Variants in DDI2 observed in about 807,000 individuals in gnomAD.
DDI2 encodes DDI proteasomal shuttling factor 2, also known as protein DDI1 homolog 2.
DDI2 carries 5 observed loss-of-function variants against 48.1 expected under a neutral mutation model. The observed-to-expected ratio is 0.10, with a 90% CI of 0.05 to 0.22. DDI2 has a LOEUF of 0.22. Among genes scored for constraint, DDI2 ranks in the 10% least tolerant of loss-of-function variants. The pLI, the probability that DDI2 is intolerant of heterozygous loss-of-function variation, is 1.00. For missense variants in DDI2, 285 were observed against 506.2 expected, an observed-to-expected ratio of 0.56 and a Z score of 4.19; for synonymous variants, 205 against 183.6, an observed-to-expected ratio of 1.12 and a Z score of -0.94.
chr1:15,627,262 GA>G (rs1310656734), intron 2 of DDI2, among the ~76,000 whole-genome samples: 1 of 152,134 alleles, frequency 6.6e-6, no homozygotes, highest in Non-Finnish European at 1.5e-5. Flanking sequence ...GTTGTGGGGG[GA>G]TTTACATACT....
At chr1:15,621,308 A>G (rs750795862) in intron 1 of DDI2, among the ~76,000 whole-genome samples, 1 of 152,138 alleles carries the variant, frequency 6.6e-6, no homozygotes, top group South Asian at 2.1e-4. Context: ...GGACCCTCAA[A>G]TGAAAGGCAA....
intron 6 of DDI2, among the ~76,000 whole-genome samples, chr1:15,647,075 T>C (rs558013136): frequency 1.3e-5 from 2 of 152,322 alleles, no homozygotes; most frequent in South Asian, 2.1e-4. Context: ...AAAAGAATTA[T>C]TTAAATAAAT....
At chr1:15,627,000 T>G (rs1038705843) in intron 2 of DDI2, 6 of 623,526 alleles carry the variant, frequency 9.6e-6, no homozygotes, top group Non-Finnish European at 1.6e-5. Flanking sequence ...GTGCCATAAT[T>G]AACCCCAACT....
chr1:15,637,468 A>G (rs1639946851), intron 4 of DDI2, among the ~76,000 whole-genome samples: 1 of 152,152 alleles, frequency 6.6e-6, no homozygotes, highest in African/African-American at 2.4e-5. Flanking sequence ...CCCGGGTTCA[A>G]GCAGTTCTAC....
At position 15,667,627 on chromosome 1, in the gene DDI2, C is replaced by T. The variant is rs1640475606; in HGVS notation, c.*7837C>T. ...GGCTGGGATTGGTGGACAGGATTGA[C>T]AGGAGTATTTGAGGCTCTACCAGGC... On this transcript the variant is annotated 3_prime_UTR_variant, in exon 10 of 10. Coordinates refer to ENST00000480945, the MANE Select transcript of DDI2 (RefSeq NM_032341.5). 1 of 152,202 alleles carries T rather than the reference C, an allele frequency of 6.6e-6. No homozygotes were observed. Among genetic ancestry groups the T allele is most frequent in the African/African-American group, 2.4e-5 (1 of 41,446 alleles). The allele number at this position is 152,202 out of a possible 1,614,324, so 9.4% of individuals were successfully genotyped here.
In DDI2 at chr1:15,660,586, AG is replaced by A. The variant is rs1314902871; in HGVS notation, c.*797del. On this transcript the variant is annotated 3_prime_UTR_variant, in exon 10 of 10. Transcript: ENST00000480945. ...GAAAAGTATTCCATCTTCAGAATGCAGTGGCTGCTCAAATTCAGAAACATTT... is the reference window on the plus strand; with the variant it reads ...GAAAAGTATTCCATCTTCAGAATGCATGGCTGCTCAAATTCAGAAACATTT... 1 of 1,613,990 alleles carries A rather than the reference AG, an allele frequency of 6.2e-7. No homozygotes were observed. The highest frequency in any genetic ancestry group is 8.5e-7 in the Non-Finnish European group (1 of 1,179,968).
Position 15,668,331 on chromosome 1 carries a change from T to C in DDI2, c.*8541T>C, listed in dbSNP as rs1640484401. 1 of 152,240 alleles carries C rather than the reference T, an allele frequency of 6.6e-6. No individual in the cohort carries two copies. The highest frequency in any genetic ancestry group is 2.1e-4 in the South Asian group (1 of 4,832). 9.4% of individuals were successfully genotyped at this position (152,240 alleles called of 1,614,324 possible). A position where few individuals can be genotyped will look rare whatever the true frequency, so the allele number is the denominator to read the frequency against. ...TTTCCTGAATCTTCACAGCTGAGTTTATGGCACCCATCCAAGACCTTCCCA... is the reference window on the plus strand; with the variant it reads ...TTTCCTGAATCTTCACAGCTGAGTTCATGGCACCCATCCAAGACCTTCCCA... On this transcript the variant is annotated 3_prime_UTR_variant, in exon 10 of 10. Coordinates refer to ENST00000480945, the MANE Select transcript of DDI2 (RefSeq NM_032341.5).
intron 1 of DDI2, among the ~76,000 whole-genome samples, chr1:15,619,622 C>T (rs937082074): frequency 4.6e-5 from 7 of 151,210 alleles, no homozygotes; most frequent in African/African-American, 1.7e-4. Context: ...CCACCGCGCC[C>T]GACTCATTTT....
intron 5 of DDI2, among the ~76,000 whole-genome samples, chr1:15,641,264 G>A (rs1640003787): frequency 1.3e-5 from 2 of 152,024 alleles, no homozygotes; most frequent in African/African-American, 4.8e-5. Context: ...TTGAGGTCAG[G>A]AGTTCAAGAC....
intron 8 of DDI2, 122 bp downstream of exon 8, chr1:15,652,017 G>A (rs990497623): frequency 1.6e-6 from 1 of 635,660 alleles, no homozygotes; most frequent in East Asian, 4.8e-5. Context: ...AGTAGTAGAT[G>A]TGTTCATTAT....
chr1:15,641,775 T>A (rs567504927), intron 5 of DDI2, among the ~76,000 whole-genome samples: 25 of 151,988 alleles, frequency 1.6e-4, no homozygotes, highest in African/African-American at 5.8e-4. Flanking sequence ...GCCAACATGC[T>A]GAAGCCCCAT....
In DDI2 at chr1:15,634,891, C is replaced by G. The variant is rs148536743; in HGVS notation, c.632+1326C>G. On this transcript the variant is annotated intron_variant, in intron 4 of 9. Coordinates refer to ENST00000480945, the MANE Select transcript of DDI2 (RefSeq NM_032341.5). The stretch of plus-strand genomic sequence containing the variant: ...CAATTGATCTCCTACCTCAGCCACT[C>G]AAAGTGCTGGGATTACAAGTGTGAA... Among the ~76,000 whole-genome samples, 134 of 152,230 alleles carry G rather than the reference C, an allele frequency of 8.8e-4. 1 individual carries two copies. The highest frequency in any genetic ancestry group is 2.9e-3 in the African/African-American group (122 of 41,544).
intron 3 of DDI2, among the ~76,000 whole-genome samples, chr1:15,631,633 C>CA (rs578061301): frequency 6.6e-6 from 1 of 152,100 alleles, no homozygotes; most frequent in Non-Finnish European, 1.5e-5. Context: ...CCTGTAACCC[C>CA]AATCAAGACA....
chr1:15,648,929 A>C (rs1310379179), intron 6 of DDI2, among the ~76,000 whole-genome samples: 1 of 151,590 alleles, frequency 6.6e-6, no homozygotes, highest in Non-Finnish European at 1.5e-5. Context: ...GTAAGGAAGG[A>C]GTTCTTTAAA....
chr1:15,661,124 C>A lies in DDI2; in HGVS notation c.*1334C>A. 1 of 1,613,890 alleles carries A rather than the reference C, an allele frequency of 6.2e-7. No individual in the cohort carries two copies. Among genetic ancestry groups the A allele is most frequent in the East Asian group, 2.2e-5 (1 of 44,884 alleles). ...TGTCCACAAGTCTCCTTTCATCAGGCCATATCTGTATCAGTGGAGACAGAA... is the reference window on the plus strand; with the variant it reads ...TGTCCACAAGTCTCCTTTCATCAGGACATATCTGTATCAGTGGAGACAGAA... On this transcript the variant is annotated 3_prime_UTR_variant, in exon 10 of 10. Coordinates refer to ENST00000480945, the MANE Select transcript of DDI2 (RefSeq NM_032341.5).
At chr1:15,643,459 A>G in intron 5 of DDI2, 63 bp from the exon 6 acceptor site, 1 of 1,593,260 alleles carries the variant, frequency 6.3e-7, no homozygotes, top group Non-Finnish European at 8.6e-7. Flanking sequence ...TTAGTGCTAT[A>G]TTTTGAGTCT....
rs1315754593 is a variant in DDI2, at chr1:15,663,987, G to A, written c.*4197G>A. 1 of 152,072 alleles carries A rather than the reference G, an allele frequency of 6.6e-6. No homozygotes were observed. The highest frequency in any genetic ancestry group is 1.5e-5 in the Non-Finnish European group (1 of 68,016). 9.4% of individuals were successfully genotyped at this position (152,072 alleles called of 1,614,324 possible). On this transcript the variant is annotated 3_prime_UTR_variant, in exon 10 of 10. Coordinates refer to ENST00000480945, the MANE Select transcript of DDI2 (RefSeq NM_032341.5). ...TATGTATATGTATATTTATTTTTAG[G>A]AATAGATCTATAGTTGTACATGAAT...
chr1:15,623,557 C>CTTATTATTATTATTATTATTATTA (rs202147595), intron 1 of DDI2, among the ~76,000 whole-genome samples: 2,116 of 84,030 alleles, frequency 0.025, 60 homozygotes, highest in African/African-American at 0.087. Flanking sequence ...CCATGCCTGG[C>CTTATTATTATTATTATTATTATTA]TTATTATTAT....
chr1:15,639,553 TC>T (rs1639976395), intron 5 of DDI2, among the ~76,000 whole-genome samples: 1 of 152,096 alleles, frequency 6.6e-6, no homozygotes, highest in Non-Finnish European at 1.5e-5. Context: ...AGCCTCCAAC[TC>T]CTGGGCTCAA....
Sources: gnomAD v4.1 joint callset for allele counts (sites outside exome capture counted in the v4.1 genomes callset) on GRCh38, gnomAD v4.1.1 for gene constraint, MANE v1.5 for transcripts, NCBI Gene and HGNC (gene_info 2026-07-23, HGNC 2026-07-21) for gene names.